Variants in PAK3 observed in about 807,000 individuals in gnomAD.
PAK3 encodes the protein serine/threonine-protein kinase PAK 3.
Under a neutral mutation model 41.0 loss-of-function variants are expected in PAK3, and 4 were observed. That is an observed-to-expected ratio of 0.10 (90% CI 0.05 to 0.22). The LOEUF (loss-of-function observed/expected upper bound fraction) is 0.22, where lower values mean the gene tolerates loss of function less well. Ranked by LOEUF, PAK3 falls within the 10% of genes least tolerant of loss-of-function variation. PAK3 has a pLI of 1.00. For synonymous variants in PAK3, 146 were observed against 139.6 expected, an observed-to-expected ratio of 1.05 and a Z score of -0.32; for missense variants, 205 against 409.9, an observed-to-expected ratio of 0.50 and a Z score of 4.32.
At chrX:111,191,605 A>G (rs1380443928) in intron 11 of PAK3, among the ~76,000 whole-genome samples, 1 of 111,950 alleles carries the variant, frequency 8.9e-6, no homozygotes, top group Non-Finnish European at 1.9e-5. Context: ...TATGAAAAGA[A>G]CCACTCGGTT....
At chrX:111,013,880 C>T (rs974782560) in intron 1 of PAK3, 2 of 111,447 alleles carry the variant, frequency 1.8e-5, no homozygotes, top group African/African-American at 6.5e-5. Flanking sequence ...GTTCAGTTCG[C>T]CCAACATGGA....
chrX:111,047,015 TGAGA>T (rs2092506021), intron 1 of PAK3, among the ~76,000 whole-genome samples: 1 of 111,849 alleles, frequency 8.9e-6, no homozygotes, highest in African/African-American at 3.3e-5. Context: ...TCCCAGTGGA[TGAGA>T]GAAAGGCCTC....
At chrX:111,194,456 G>A (rs761363916) in intron 14 of PAK3, 38 bp downstream of exon 14, 17 of 699,315 alleles carry the variant, frequency 2.4e-5, no homozygotes, top group South Asian at 1.3e-4. Flanking sequence ...GAAGACCACC[G>A]AAATTGGCAG....
chrX:111,140,666 A>C (rs1458640050), intron 5 of PAK3, among the ~76,000 whole-genome samples: 1 of 111,448 alleles, frequency 9.0e-6, no homozygotes, highest in Non-Finnish European at 1.9e-5. Flanking sequence ...TTTCAAAATG[A>C]ATCCTAAATG....
intron 11 of PAK3, among the ~76,000 whole-genome samples, chrX:111,181,403 AATG>A (rs1423780701): frequency 4.5e-5 from 5 of 111,509 alleles, no homozygotes; most frequent in African/African-American, 1.6e-4. Context: ...CATTATATAG[AATG>A]ATGATATGTT....
intron 1 of PAK3, among the ~76,000 whole-genome samples, chrX:111,054,540 A>G (rs753024414): frequency 1.8e-5 from 2 of 111,563 alleles, no homozygotes; most frequent in Non-Finnish European, 3.8e-5. Context: ...AGACACAAAA[A>G]TGTTTTCATT....
chrX:111,028,029 G>GTATATATATATACATATATATATA (rs1569508066), intron 1 of PAK3, among the ~76,000 whole-genome samples: 4 of 103,535 alleles, frequency 3.9e-5, no homozygotes, highest in African/African-American at 1.4e-4. Flanking sequence ...ATATATATGT[G>GTATATATATATACATATATATATA]TGTATATATA....
intron 1 of PAK3, among the ~76,000 whole-genome samples, chrX:110,973,991 A>G (rs1168226017): frequency 8.9e-6 from 1 of 112,265 alleles, no homozygotes; most frequent in Non-Finnish European, 1.9e-5. Context: ...TGGTAAAGGG[A>G]TCAATTCAAC....
chrX:111,143,849 A>G (rs994867295), intron 6 of PAK3, among the ~76,000 whole-genome samples: 1 of 110,923 alleles, frequency 9.0e-6, no homozygotes, highest in African/African-American at 3.3e-5. Context: ...CATTTAAACT[A>G]CTATTGTGTT....
chrX:111,175,544 A>T (rs1001362564), intron 11 of PAK3, among the ~76,000 whole-genome samples: 1 of 110,951 alleles, frequency 9.0e-6, no homozygotes, highest in Non-Finnish European at 1.9e-5. Context: ...CTTAACTGGG[A>T]GTTATTTGTT....
intron 1 of PAK3, among the ~76,000 whole-genome samples, chrX:110,946,459 A>C (rs180912105): frequency 4.4e-5 from 5 of 112,398 alleles, no homozygotes; most frequent in Non-Finnish European, 9.4e-5. Context: ...TGCTTTAAGC[A>C]AATCTGATAT....
At chrX:110,966,512 G>C (rs185054370) in intron 1 of PAK3, among the ~76,000 whole-genome samples, 68 of 111,067 alleles carry the variant, frequency 6.1e-4, no homozygotes, top group African/African-American at 2.1e-3. Flanking sequence ...AGAGATCAGG[G>C]GTGGGAAGGA....
At chrX:111,047,001 G>A (rs1392829635) in intron 1 of PAK3, among the ~76,000 whole-genome samples, 1 of 111,885 alleles carries the variant, frequency 8.9e-6, no homozygotes, top group African/African-American at 3.3e-5. Flanking sequence ...TGGGAGCTCA[G>A]TACTCCCAGT....
intron 1 of PAK3, among the ~76,000 whole-genome samples, chrX:111,059,619 C>T (rs939438407): frequency 1.8e-5 from 2 of 108,828 alleles, no homozygotes; most frequent in Non-Finnish European, 3.8e-5. Context: ...CTTCCAACAA[C>T]GTTTTATTGT....
chrX:111,044,430 A>T (rs1019163149), intron 1 of PAK3, among the ~76,000 whole-genome samples: 1 of 111,997 alleles, frequency 8.9e-6, no homozygotes, highest in African/African-American at 3.3e-5. Flanking sequence ...TCTTTGTAGG[A>T]GACCCCTAGA....
intron 4 of PAK3, among the ~76,000 whole-genome samples, chrX:111,114,572 T>C (rs1021161063): frequency 3.6e-5 from 4 of 111,684 alleles, no homozygotes; most frequent in African/African-American, 1.3e-4. Flanking sequence ...TTTTCCTCTC[T>C]TTATGCAGCT....
At chrX:111,133,242 A>C (rs186323053) in intron 5 of PAK3, among the ~76,000 whole-genome samples, 218 of 111,410 alleles carry the variant, frequency 2.0e-3, no homozygotes, top group African/African-American at 6.8e-3. Flanking sequence ...CCTCATCAAC[A>C]TGCAATATGC....
intron 5 of PAK3, among the ~76,000 whole-genome samples, chrX:111,135,439 G>C (rs1423991530): frequency 9.0e-6 from 1 of 111,069 alleles, no homozygotes; most frequent in Non-Finnish European, 1.9e-5. Context: ...GTGCAACAGA[G>C]ATGTCATGGC....
At chrX:110,972,506 A>G (rs2091231608) in intron 1 of PAK3, among the ~76,000 whole-genome samples, 1 of 111,927 alleles carries the variant, frequency 8.9e-6, no homozygotes, top group Non-Finnish European at 1.9e-5. Context: ...AACAGAAAGG[A>G]ATAGCATCAA....
Sources: allele counts gnomAD v4.1 joint callset (sites outside exome capture counted in the v4.1 genomes callset), GRCh38; gene constraint gnomAD v4.1.1; transcripts MANE v1.5; gene names NCBI Gene and HGNC (gene_info 2026-07-23, HGNC 2026-07-21).